DCDC1: variants seen among roughly 807,000 people sequenced by gnomAD.
The protein encoded by DCDC1 is doublecortin domain containing 1, also known as doublecortin domain-containing protein 1.
Under a neutral mutation model 178.3 loss-of-function variants are expected in DCDC1, and 200 were observed. The observed-to-expected ratio is 1.12, with a 90% CI of 1.00 to 1.26. The LOEUF (loss-of-function observed/expected upper bound fraction) is 1.26, where lower values mean the gene tolerates loss of function less well. Ranked by LOEUF, DCDC1 falls within the 50% of genes most tolerant of loss-of-function variation. DCDC1 has a pLI of 0.00. For missense variants in DCDC1, 1,983 were observed against 1,749.2 expected (o/e 1.13, Z -2.38); for synonymous variants, 690 against 604.8 (o/e 1.14, Z -2.07).
chr11:31,360,060 A>AT (rs1213980411), intron 1 of DCDC1, among the ~76,000 whole-genome samples: 5 of 152,224 alleles, frequency 3.3e-5, no homozygotes, highest in Admixed American at 6.5e-5. Context: ...GTTAGTTCCT[A>AT]TTTTTGTATT....
In DCDC1 at chr11:31,091,477, C is replaced by G. The variant is rs775800090; in HGVS notation, c.2153G>C (p.Gly718Ala). 2.1e-5 allele frequency: 16 copies of G among 761,280 alleles called. No homozygotes were observed. The highest frequency in any genetic ancestry group is 1.9e-4 in the South Asian group (14 of 73,418). The allele number at this position is 761,280 out of a possible 1,614,324, so 47.2% of individuals were successfully genotyped here. The stretch of plus-strand genomic sequence containing the variant: ...GATAGGATGACCAATAGCCAGGCAG[C>G]CCTGAGTTATCGCTCGGCTCAGGAT... The part of the protein sequence containing the change: ...GMILSRAITQ[G>A]CLAIGHPIRV... Residue 718 changes from glycine (G) to alanine (A), a missense_variant, in exon 17 of 39, where the codon GGC (glycine) becomes GCC (alanine). Gly to Ala is a moderately conservative substitution (Grantham distance 60). Transcript: ENST00000684477.
At chr11:31,078,807 T>C (rs1957008279) in intron 17 of DCDC1, among the ~76,000 whole-genome samples, 1 of 151,704 alleles carries the variant, frequency 6.6e-6, no homozygotes, top group Non-Finnish European at 1.5e-5. Context: ...ATTCTGAAGG[T>C]GTGGACCCAC....
At chr11:30,923,492 G>C (rs1946392518) in intron 23 of DCDC1, among the ~76,000 whole-genome samples, 1 of 145,236 alleles carries the variant, frequency 6.9e-6, no homozygotes, top group South Asian at 2.2e-4. Context: ...GTGATATATT[G>C]AGAAAGGCTC....
intron 11 of DCDC1, among the ~76,000 whole-genome samples, chr11:31,123,099 C>T (rs1961049118): frequency 6.6e-6 from 1 of 151,936 alleles, no homozygotes; most frequent in Admixed American, 6.6e-5. Flanking sequence ...CAGATTTGGC[C>T]CACAGTGTGT....
rs1051542494 is a variant in DCDC1, at chr11:31,125,578, T to C, written c.1485+1891A>G. ...AGGAAAATGTGGTACTTACACATCA[T>C]GGAATACTATGCAGCCATGAAAAGG... On this transcript the variant is annotated intron_variant, in intron 11 of 38. Transcript: ENST00000684477. Among the ~76,000 whole-genome samples the C allele has an allele frequency of 2.6e-5, 4 of 152,270 alleles. No homozygotes were observed. In the South Asian group the frequency reaches 6.2e-4, roughly 24 times the overall value.
At chr11:31,361,990 A>G (rs1951731868) in intron 1 of DCDC1, among the ~76,000 whole-genome samples, 1 of 152,184 alleles carries the variant, frequency 6.6e-6, no homozygotes, top group Non-Finnish European at 1.5e-5. Context: ...GGGCCTAGAA[A>G]TATCTCATTC....
At chr11:30,870,082 T>C (rs1941394542) in intron 38 of DCDC1, among the ~76,000 whole-genome samples, 1 of 152,100 alleles carries the variant, frequency 6.6e-6, no homozygotes, top group South Asian at 2.1e-4. Context: ...TTGAAGTACT[T>C]ACAAAATCCT....
intron 31 of DCDC1, chr11:30,904,636 T>A (rs1944931836): frequency 3.3e-6 from 1 of 300,918 alleles, no homozygotes; most frequent in African/African-American, 2.1e-5. Flanking sequence ...GAAGCTGGCA[T>A]GAGAAACAAG....
intron 7 of DCDC1, among the ~76,000 whole-genome samples, chr11:31,289,878 T>C (rs1443987347): frequency 6.6e-6 from 1 of 151,976 alleles, no homozygotes; most frequent in African/African-American, 2.4e-5. Flanking sequence ...AAGCCAAGAT[T>C]CAACCCTAGG....
chr11:31,349,517 A>G (rs77841739), intron 1 of DCDC1, among the ~76,000 whole-genome samples: 2,933 of 152,318 alleles, frequency 0.019, 86 homozygotes, highest in African/African-American at 0.066. Flanking sequence ...ATTTTAATTA[A>G]CTTGTCTTAT....
chr11:30,898,014 A>G (rs1040484523), intron 34 of DCDC1, among the ~76,000 whole-genome samples: 1 of 152,170 alleles, frequency 6.6e-6, no homozygotes, highest in African/African-American at 2.4e-5. Context: ...GAGAGGGAAA[A>G]CTTTGAGGTA....
chr11:31,142,474 A>ATG (rs546867051), intron 9 of DCDC1, among the ~76,000 whole-genome samples: 23 of 127,072 alleles, frequency 1.8e-4, no homozygotes, highest in Non-Finnish European at 2.5e-4. Context: ...TTTTCAAAGG[A>ATG]TGTGTGTGTG....
intron 17 of DCDC1, among the ~76,000 whole-genome samples, chr11:31,088,799 C>T (rs1049992840): frequency 4.6e-5 from 7 of 152,048 alleles, no homozygotes; most frequent in African/African-American, 1.7e-4. Context: ...TCACTATAGC[C>T]TCGACCTCCT....
chr11:31,331,926 A>G (rs1380503643), intron 2 of DCDC1, among the ~76,000 whole-genome samples: 2 of 151,890 alleles, frequency 1.3e-5, no homozygotes, highest in Non-Finnish European at 2.9e-5. Flanking sequence ...CTCTTTTTCT[A>G]TTGATTGGAA....
intron 20 of DCDC1, among the ~76,000 whole-genome samples, chr11:31,062,840 C>G (rs950167384): frequency 6.6e-6 from 1 of 150,758 alleles, no homozygotes; most frequent in Admixed American, 6.6e-5. Context: ...TACATGTGCA[C>G]AATGTGCAGG....
intron 7 of DCDC1, among the ~76,000 whole-genome samples, chr11:31,266,369 GA>G (rs1360930619): frequency 1.3e-5 from 2 of 152,194 alleles, no homozygotes; most frequent in Non-Finnish European, 2.9e-5. Context: ...GCTTCAGCTG[GA>G]AAAAAAGTTC....
intron 9 of DCDC1, among the ~76,000 whole-genome samples, chr11:31,188,693 G>C (rs1969794137): frequency 6.6e-6 from 1 of 152,176 alleles, no homozygotes; most frequent in South Asian, 2.1e-4. Context: ...TTCTGCCTTA[G>C]AGCAGTGCTT....
intron 18 of DCDC1, among the ~76,000 whole-genome samples, chr11:31,076,836 T>G (rs950808158): frequency 3.4e-4 from 51 of 152,032 alleles, no homozygotes; most frequent in Non-Finnish European, 1.3e-4. Context: ...AGGCTCAAGG[T>G]GCTCTTCTGT....
At chr11:31,039,095 T>C (rs1190742292) in intron 20 of DCDC1, among the ~76,000 whole-genome samples, 2 of 152,178 alleles carry the variant, frequency 1.3e-5, no homozygotes, top group African/African-American at 2.4e-5. Context: ...TGTATTAATA[T>C]AAATATGATA....
Sources: gnomAD v4.1 joint callset for allele counts (sites outside exome capture counted in the v4.1 genomes callset) on GRCh38, gnomAD v4.1.1 for gene constraint, MANE v1.5 for transcripts, NCBI Gene and HGNC (gene_info 2026-07-23, HGNC 2026-07-21) for gene names.